Variants in ZNF502 observed in about 807,000 individuals in gnomAD.
The protein encoded by ZNF502 is zinc finger protein 502.
A neutral mutation model predicts 43.6 loss-of-function variants in ZNF502; 29 were observed. The observed-to-expected ratio is 0.67, with a 90% CI of 0.50 to 0.91. ZNF502 has a LOEUF of 0.91. Ranked by LOEUF, ZNF502 falls within the 40% of genes least tolerant of loss-of-function variation. The pLI is 0.00. For synonymous variants in ZNF502, 171 were observed against 207.4 expected (o/e 0.82, Z 1.51); for missense variants, 591 against 647.2 (o/e 0.91, Z 0.94).
chr3:44,723,413 C>G lies in ZNF502; in HGVS notation c.*961C>G, dbSNP rs911179519. On this transcript the variant is annotated 3_prime_UTR_variant, in exon 3 of 3. Transcript: ENST00000436624. ...GTGTACAGAGACCAGAGGAGAGAGA[C>G]ACACTAGGACTAACAATGTCCTAAC... 6 of 152,212 alleles carry G rather than the reference C, an allele frequency of 3.9e-5. No individual in the cohort carries two copies. Among genetic ancestry groups the G allele is most frequent in the African/African-American group, 1.4e-4 (6 of 41,440 alleles). The allele number at this position is 152,212 out of a possible 1,614,324, so 9.4% of individuals were successfully genotyped here.
chr3:44,723,273 G>A lies in ZNF502; in HGVS notation c.*821G>A, dbSNP rs1704417011. 6.6e-6 allele frequency: 1 copy of A among 152,246 alleles called. No homozygotes were observed. The highest frequency in any genetic ancestry group is 1.5e-5 in the Non-Finnish European group (1 of 68,076). 9.4% of individuals were successfully genotyped at this position (152,246 alleles called of 1,614,324 possible). A position where few individuals can be genotyped will look rare whatever the true frequency, so the allele number is the denominator to read the frequency against. ...TGGTTACCCAGGAAAGAAATGGTCT[G>A]CTAGAGTGATAAGACTCAGAACAGG... is the stretch of plus-strand genomic sequence containing the variant. On this transcript the variant is annotated 3_prime_UTR_variant, in exon 3 of 3. Coordinates refer to ENST00000436624, the MANE Select transcript of ZNF502 (RefSeq NM_001134442.3).
intron 1 of ZNF502, among the ~76,000 whole-genome samples, chr3:44,718,363 A>G (rs568493672): frequency 1.1e-4 from 17 of 152,166 alleles, no homozygotes; most frequent in African/African-American, 3.9e-4. Flanking sequence ...CCCACTCCTC[A>G]CCACTACGCA....
At chr3:44,713,151 A>G (rs772406675) in intron 1 of ZNF502, among the ~76,000 whole-genome samples, 2 of 152,210 alleles carry the variant, frequency 1.3e-5, no homozygotes, top group Admixed American at 6.5e-5. Context: ...GGAGACGGCA[A>G]ATAGCGTAAA....
At chr3:44,720,158 C>T (rs1704270555) in intron 1 of ZNF502, 45 bp from the exon 2 acceptor site, 3 of 1,207,702 alleles carry the variant, frequency 2.5e-6, no homozygotes, top group Non-Finnish European at 3.7e-6. Context: ...TTTACTGGGA[C>T]AGTAATATTC....
chr3:44,717,405 C>CTTTTTTTTTTTTTTTTTTTTTTT, intron 1 of ZNF502, among the ~76,000 whole-genome samples: 1 of 76,030 alleles, frequency 1.3e-5, no homozygotes, highest in Non-Finnish European at 2.4e-5. Context: ...GTGATGCAAT[C>CTTTTTTTTTTTTTTTTTTTTTTT]TTTTTTTTTT....
Position 44,722,096 on chromosome 3 carries a change from A to T in ZNF502, c.1279A>T (p.Arg427Ter). ...GAGCATTTGCCTTATTCGGCACCAG[A>T]GAAGTCACACTGGAGAAAAACCCTA... ...IQSICLIRHQ[R>*]SHTGEKPYKC... The change falls in exon 3 of 3, where the codon AGA becomes TGA. Residue 427 changes from arginine (R) to a stop codon, truncating the protein, a stop_gained. Transcript: ENST00000436624. LOFTEE classifies it high-confidence loss of function. 2 of 1,614,212 alleles carry T rather than the reference A, an allele frequency of 1.2e-6. No homozygotes were observed. Among genetic ancestry groups the T allele is most frequent in the Non-Finnish European group, 1.7e-6 (2 of 1,180,038 alleles).
rs1704326649 is a variant in ZNF502 at position 44,721,356 on chromosome 3, A to G, written c.539A>G (p.Glu180Gly). ...LTQHQRTHTG[E>G]RPYTCEECGK... ...CAACATCAGAGAACTCATACTGGAG[A>G]GAGACCCTACACATGTGAGGAATGT... The change falls in exon 3 of 3, where the codon GAG becomes GGG. Residue 180 changes from glutamate (E) to glycine (G), a missense_variant. Transcript: ENST00000436624. 3 of 1,614,178 alleles carry G rather than the reference A, an allele frequency of 1.9e-6. No homozygotes were observed. In the East Asian group the frequency reaches 6.7e-5, roughly 36 times the overall value.
At chr3:44,718,582 A>C (rs1375340567) in intron 1 of ZNF502, among the ~76,000 whole-genome samples, 1 of 152,114 alleles carries the variant, frequency 6.6e-6, no homozygotes. Flanking sequence ...CTTGGGCATT[A>C]CTATGTTTCC....
chr3:44,714,948 G>A (rs1242928697), intron 1 of ZNF502, among the ~76,000 whole-genome samples: 1 of 152,150 alleles, frequency 6.6e-6, no homozygotes. Flanking sequence ...GTGAATGGGA[G>A]GCCAATACCA....
intron 1 of ZNF502, 33 bp from the exon 2 acceptor site, chr3:44,720,170 C>A: frequency 7.3e-7 from 1 of 1,372,790 alleles, no homozygotes; most frequent in Non-Finnish European, 1.0e-6. Context: ...GTAATATTCC[C>A]TCCCTCCCTG....
chr3:44,717,124 T>C (rs1001513101), intron 1 of ZNF502, among the ~76,000 whole-genome samples: 1 of 152,206 alleles, frequency 6.6e-6, no homozygotes, highest in Non-Finnish European at 1.5e-5. Flanking sequence ...TCATACTTTA[T>C]TTTGTGGTTT....
chr3:44,715,108 G>T (rs1041000945), intron 1 of ZNF502, among the ~76,000 whole-genome samples: 1 of 152,192 alleles, frequency 6.6e-6, no homozygotes, highest in African/African-American at 2.4e-5. Context: ...CCCATTAACT[G>T]ACCTAGAGAT....
Position 44,721,767 on chromosome 3 carries a change from A to C in ZNF502, c.950A>C (p.His317Pro). 6.2e-7 allele frequency: 1 copy of C among 1,613,730 alleles called. No individual in the cohort carries two copies. Among genetic ancestry groups the C allele is most frequent in the Non-Finnish European group, 8.5e-7 (1 of 1,179,784 alleles). ...AATCTTACGCAACATCAGAGAATTCACACTGGGGAAAAACCCCATAAATGT... is the reference window on the plus strand; with the variant it reads ...AATCTTACGCAACATCAGAGAATTCCCACTGGGGAAAAACCCCATAAATGT... ...HSNLTQHQRI[H>P]TGEKPHKCDE... Residue 317 changes from histidine (H) to proline (P), a missense_variant, in exon 3 of 3, where the codon CAC (histidine) becomes CCC (proline). His to Pro is a moderately conservative substitution (Grantham distance 77). Transcript: ENST00000436624.
intron 1 of ZNF502, among the ~76,000 whole-genome samples, chr3:44,718,733 G>A (rs2125865381): frequency 6.6e-6 from 1 of 152,254 alleles, no homozygotes; most frequent in East Asian, 1.9e-4. Flanking sequence ...CATACTTGCA[G>A]TTTTGTAACT....
chr3:44,722,604 C>T lies in ZNF502; in HGVS notation c.*152C>T. The T allele has an allele frequency of 1.9e-6, 2 of 1,037,086 alleles. No homozygotes were observed. Among genetic ancestry groups the T allele is most frequent in the Non-Finnish European group, 2.7e-6 (2 of 730,822 alleles). 64.2% of individuals were successfully genotyped at this position (1,037,086 alleles called of 1,614,324 possible). On this transcript the variant is annotated 3_prime_UTR_variant, in exon 3 of 3. Coordinates refer to ENST00000436624, the MANE Select transcript of ZNF502 (RefSeq NM_001134442.3). ...ATGTTTCCAGAAATGGAGGTGGGAG[C>T]TTAGGGAATGCAGAGCCTACTTGAG...
intron 1 of ZNF502, among the ~76,000 whole-genome samples, chr3:44,719,501 G>A (rs903422954): frequency 4.6e-5 from 7 of 152,224 alleles, no homozygotes; most frequent in African/African-American, 1.7e-4. Context: ...TGAGTGAACA[G>A]TTTTGGTATT....
chr3:44,713,676 G>C (rs1704077891), intron 1 of ZNF502, among the ~76,000 whole-genome samples: 1 of 151,978 alleles, frequency 6.6e-6, no homozygotes, highest in African/African-American at 2.4e-5. Flanking sequence ...TGCCTCCCGG[G>C]TTCAAGCGAT....
chr3:44,719,510 T>G (rs990838542), intron 1 of ZNF502, among the ~76,000 whole-genome samples: 1 of 152,232 alleles, frequency 6.6e-6, no homozygotes, highest in African/African-American at 2.4e-5. Flanking sequence ...AGTTTTGGTA[T>G]TGATATTTTT....
At chr3:44,713,050 T>C (rs1335700617) in intron 1 of ZNF502, among the ~76,000 whole-genome samples, 1 of 152,228 alleles carries the variant, frequency 6.6e-6, no homozygotes, top group Non-Finnish European at 1.5e-5. Flanking sequence ...CTAGGACCCA[T>C]GTCAGGAAAC....
Sources: gnomAD v4.1 joint callset for allele counts (sites outside exome capture counted in the v4.1 genomes callset) on GRCh38, gnomAD v4.1.1 for gene constraint, MANE v1.5 for transcripts, NCBI Gene and HGNC (gene_info 2026-07-23, HGNC 2026-07-21) for gene names.